The following EIF2AK3 variants were observed in gnomAD, a reference collection of about 807,000 sequenced individuals.
The protein encoded by EIF2AK3 is eukaryotic translation initiation factor 2 alpha kinase 3.
A neutral mutation model predicts 113.5 loss-of-function variants in EIF2AK3; 50 were observed. That is an observed-to-expected ratio of 0.44 (90% confidence interval 0.35 to 0.56). EIF2AK3 has a LOEUF of 0.56. Ranked by LOEUF, EIF2AK3 falls within the 20% of genes least tolerant of loss-of-function variation. EIF2AK3 has a pLI of 0.00. For missense variants in EIF2AK3, 1,185 were observed against 1,378.0 expected, an observed-to-expected ratio of 0.86 and a Z score of 2.22; for synonymous variants, 448 against 495.4, an observed-to-expected ratio of 0.90 and a Z score of 1.27.
Position 88,595,487 on chromosome 2 carries a change from G to T in EIF2AK3, c.615C>A (p.Leu205=), listed in dbSNP as rs757760327. ...VGGKSLTTYG[L]SAYSGKVRYI... ...CACTTACCTTTCCACTATATGCACTGAGTCCATATGTAGTCAGAGATTTTC... is the reference window on the plus strand; with the variant it reads ...CACTTACCTTTCCACTATATGCACTTAGTCCATATGTAGTCAGAGATTTTC... The change falls in exon 3 of 17, where the codon CTC becomes CTA. Residue 205 remains leucine (L), a synonymous_variant. Transcript: ENST00000303236. 11 of 1,613,704 alleles carry T rather than the reference G, an allele frequency of 6.8e-6. No individual in the cohort carries two copies. The Admixed American group carries it at 1.8e-4, about 27-fold the overall frequency.
intron 15 of EIF2AK3, 51 bp downstream of exon 15, chr2:88,562,238 T>G: frequency 6.9e-6 from 10 of 1,442,718 alleles, no homozygotes; most frequent in Non-Finnish European, 9.7e-6. Context: ...TTTGTAAATG[T>G]TAGATTATTT....
At chr2:88,579,945 A>G (rs192103762) in intron 10 of EIF2AK3, 119 of 297,896 alleles carry the variant, frequency 4.0e-4, no homozygotes, top group African/African-American at 2.5e-3. Context: ...AATACTTCCT[A>G]TCATCTACCA....
At chr2:88,567,976 CT>C (rs988204351) in intron 14 of EIF2AK3, among the ~76,000 whole-genome samples, 1 of 151,228 alleles carries the variant, frequency 6.6e-6, no homozygotes, top group African/African-American at 2.4e-5. Context: ...TTTCTTTTTT[CT>C]TTTTTTTGAG....
intron 4 of EIF2AK3, among the ~76,000 whole-genome samples, chr2:88,591,288 C>A (rs1157291491): frequency 2.6e-5 from 4 of 152,092 alleles, no homozygotes; most frequent in Admixed American, 2.6e-4. Context: ...TTGATGTGTC[C>A]CTTACAACAG....
chr2:88,591,174 A>G, intron 4 of EIF2AK3, 122 bp from the exon 5 acceptor site: 2 of 909,262 alleles, frequency 2.2e-6, no homozygotes, highest in Non-Finnish European at 1.7e-6. Flanking sequence ...CTAACAACAT[A>G]ACCTTCTGGA....
At chr2:88,599,094 A>C (rs1405287079) in intron 2 of EIF2AK3, among the ~76,000 whole-genome samples, 1 of 152,122 alleles carries the variant, frequency 6.6e-6, no homozygotes, top group East Asian at 1.9e-4. Flanking sequence ...ACAAGAGTTT[A>C]AAAACAAAAG....
chr2:88,625,141 C>T (rs537491340), intron 1 of EIF2AK3, among the ~76,000 whole-genome samples: 4 of 152,240 alleles, frequency 2.6e-5, no homozygotes, highest in South Asian at 4.1e-4. Flanking sequence ...TGCCCCACTC[C>T]GGAGTTTTAA....
chr2:88,627,632 G>A, upstream of EIF2AK3: 3 of 237,462 alleles, frequency 1.3e-5, no homozygotes, highest in Middle Eastern at 2.5e-3. Flanking sequence ...TTCGAGGCCC[G>A]TCCCTCTTCC....
At chr2:88,606,443 C>A (rs180928694) in intron 2 of EIF2AK3, among the ~76,000 whole-genome samples, 1 of 152,256 alleles carries the variant, frequency 6.6e-6, no homozygotes, top group South Asian at 2.1e-4. Context: ...TAAATTAAAG[C>A]ACTGTTTCAT....
intron 16 of EIF2AK3, 140 bp from the exon 17 acceptor site, chr2:88,558,076 C>T (rs1432282709): frequency 6.5e-6 from 5 of 772,864 alleles, no homozygotes; most frequent in Non-Finnish European, 1.1e-5. Context: ...TCTGATACAA[C>T]TACTCAGCTC....
chr2:88,616,302 C>G (rs1260332537), intron 1 of EIF2AK3, among the ~76,000 whole-genome samples: 1 of 152,192 alleles, frequency 6.6e-6, no homozygotes, highest in South Asian at 2.1e-4. Context: ...ATAGACAGAC[C>G]CCCTCAACTC....
intron 13 of EIF2AK3, among the ~76,000 whole-genome samples, chr2:88,573,593 G>C (rs921774135): frequency 1.7e-4 from 26 of 152,018 alleles, no homozygotes; most frequent in Non-Finnish European, 2.5e-4. Context: ...AACAATTCTT[G>C]GCAATCAGTT....
chr2:88,558,892 G>C (rs938556820), intron 16 of EIF2AK3, 25 bp downstream of exon 16: 1 of 1,543,722 alleles, frequency 6.5e-7, no homozygotes, highest in Non-Finnish European at 8.9e-7. Flanking sequence ...TTCTAAAGAA[G>C]ATAAAAGATG....
chr2:88,590,352 C>T, intron 6 of EIF2AK3, 91 bp downstream of exon 6: 1 of 1,339,108 alleles, frequency 7.5e-7, no homozygotes, highest in Non-Finnish European at 1.1e-6. Context: ...TTTAAAACTA[C>T]TACAGGCACT....
At chr2:88,627,487 C>G (rs1343391224), upstream of EIF2AK3, 3 of 534,444 alleles carry the variant, frequency 5.6e-6, no homozygotes, top group Admixed American at 8.9e-5. Context: ...GCCCATTGAG[C>G]AAACTTTCCG....
chr2:88,557,809 C>T lies in EIF2AK3; in HGVS notation c.3278G>A (p.Arg1093His), dbSNP rs765878566. The T allele has an allele frequency of 6.2e-6, 10 of 1,614,128 alleles. No homozygotes were observed. The highest frequency in any genetic ancestry group is 2.2e-5 in the East Asian group (1 of 44,882). Residue 1093 changes from arginine to histidine, a missense_variant, in exon 17 of 17, where the codon CGC becomes CAC. Around this residue, in one of 3 missense-constraint regions of EIF2AK3, gnomAD observed 877 missense variants for 1,024.2 expected, o/e 0.86. Coordinates refer to ENST00000303236, the MANE Select transcript of EIF2AK3 (RefSeq NM_004836.7). ...TTTTGTTCCCGATGAACTCAAGGAG[C>T]GAGACCTCTGTCTGAGCACTGTTTT... ...PGKTVLRQRSRSLSSSGTKHS... is the reference protein window; with the variant it reads ...PGKTVLRQRSHSLSSSGTKHS...
chr2:88,625,845 A>G (rs1318786332), intron 1 of EIF2AK3, among the ~76,000 whole-genome samples: 2 of 152,180 alleles, frequency 1.3e-5, no homozygotes, highest in African/African-American at 2.4e-5. Context: ...TTTTATATAT[A>G]TATATTTACA....
At chr2:88,625,439 C>A (rs1675836982) in intron 1 of EIF2AK3, among the ~76,000 whole-genome samples, 1 of 152,126 alleles carries the variant, frequency 6.6e-6, no homozygotes, top group East Asian at 1.9e-4. Context: ...TTTTCAGGAA[C>A]CAACTCATTC....
chr2:88,594,302 C>T (rs1412705168), intron 3 of EIF2AK3, among the ~76,000 whole-genome samples: 2 of 152,326 alleles, frequency 1.3e-5, no homozygotes, highest in South Asian at 2.1e-4. Context: ...AAGTGATTCT[C>T]GTACCTCAGC....
Sources: gnomAD v4.1 joint callset for allele counts (sites outside exome capture counted in the v4.1 genomes callset) on GRCh38, gnomAD v4.1.1 for gene constraint, gnomAD v4.1.1 regional missense constraint, MANE v1.5 for transcripts, NCBI Gene and HGNC (gene_info 2026-07-23, HGNC 2026-07-21) for gene names.